NOTCH2NLR: variants seen among roughly 807,000 people sequenced by gnomAD.
NOTCH2NLR encodes the protein notch 2 N-terminal like R (pseudogene).
NOTCH2NLR carries 33 observed loss-of-function variants against 35.6 expected under a neutral mutation model. The ratio of observed to expected loss-of-function variants is 0.93; its 90% confidence interval spans 0.70 to 1.24. NOTCH2NLR has a LOEUF of 1.24. Among genes scored for constraint, NOTCH2NLR ranks in the 50% most tolerant of loss-of-function variants. The probability of loss-of-function intolerance (pLI) is 0.00; values close to 1 mark genes in which losing one functional copy is unlikely to be tolerated. For synonymous variants in NOTCH2NLR, 103 were observed against 141.0 expected (o/e 0.73, Z 1.91); for missense variants, 276 against 362.2 (o/e 0.76, Z 1.93).
intron 1 of NOTCH2NLR, among the ~76,000 whole-genome samples, chr1:120,752,552 ATATTTT>A (rs1386925490): frequency 4.5e-4 from 4 of 8,972 alleles, no homozygotes; most frequent in Non-Finnish European, 3.4e-4. Flanking sequence ...ATATATATAT[ATATTTT>A]TTTTTTTTTT....
At chr1:120,789,487 G>A (rs1195349839) in intron 3 of NOTCH2NLR, among the ~76,000 whole-genome samples, 1 of 114,196 alleles carries the variant, frequency 8.8e-6, no homozygotes, top group Non-Finnish European at 1.7e-5. Flanking sequence ...AGAAAATTAG[G>A]AAGAAGCAAA....
chr1:120,732,949 AT>A (rs1650880295), intron 1 of NOTCH2NLR, among the ~76,000 whole-genome samples: 1 of 86,898 alleles, frequency 1.2e-5, no homozygotes, highest in Non-Finnish European at 2.1e-5. Context: ...AGATTTTTTT[AT>A]TTTTGTAAAA....
Position 120,767,711 on chromosome 1 carries a change from T to C in NOTCH2NLR, c.155+4002T>C, listed in dbSNP as rs1268543357. Among the ~76,000 whole-genome samples the C allele has an allele frequency of 2.0e-3, 230 of 114,912 alleles. 39 individuals carry two copies. In the East Asian group the frequency reaches 0.03, roughly 15 times the overall value. The allele number at this position is 114,912 out of a possible 152,430, so 75.4% of individuals were successfully genotyped here. A position where few individuals can be genotyped will look rare whatever the true frequency, so the allele number is the denominator to read the frequency against. ...GGTGTAAATATGTAATTAAATTTGA[T>C]GTCATTAATCACTTTCAAGTTGTTG... is the stretch of plus-strand genomic sequence containing the variant. On this transcript the variant is annotated intron_variant, in intron 2 of 4. Transcript: ENST00000624419.
intron 2 of NOTCH2NLR, among the ~76,000 whole-genome samples, chr1:120,772,301 AG>A (rs1172181412): frequency 6.7e-5 from 1 of 14,972 alleles, no homozygotes; most frequent in Non-Finnish European, 1.7e-4. Flanking sequence ...TACAGTAGTT[AG>A]GAATGAAGTT....
chr1:120,735,252 A>G lies in NOTCH2NLR; in HGVS notation c.73+11002A>G, dbSNP rs1432778989. Among the ~76,000 whole-genome samples, 3 of 49,124 alleles carry G rather than the reference A, an allele frequency of 6.1e-5. 1 individual carries two copies. Among genetic ancestry groups the G allele is most frequent in the Non-Finnish European group, 1.0e-4 (3 of 28,742 alleles). The allele number at this position is 49,124 out of a possible 152,430, so 32.2% of individuals were successfully genotyped here. On this transcript the variant is annotated intron_variant, in intron 1 of 4. Transcript: ENST00000624419. Reference sequence around the variant, plus strand: ...CTAATTTTTTGTAGTTTTAGTAGAGACGGGGTTTCTCTATGTTGGGCAGGC... The same window carrying G: ...CTAATTTTTTGTAGTTTTAGTAGAGGCGGGGTTTCTCTATGTTGGGCAGGC...
chr1:120,794,123 CT>C (rs1651527990), downstream of NOTCH2NLR, among the ~76,000 whole-genome samples: 1 of 110,774 alleles, frequency 9.0e-6, no homozygotes, highest in South Asian at 2.6e-4. Flanking sequence ...TTTTGATGAG[CT>C]GATAGATGAT....
intron 2 of NOTCH2NLR, among the ~76,000 whole-genome samples, chr1:120,783,559 T>A (rs1159479669): frequency 1.5e-5 from 1 of 65,864 alleles, no homozygotes; most frequent in Non-Finnish European, 2.5e-5. Context: ...CTTTTACAAA[T>A]GTTTAGTTTC....
In NOTCH2NLR at chr1:120,770,469, G is replaced by A. The variant is rs1223370208; in HGVS notation, c.155+6760G>A. Reference sequence around the variant, plus strand: ...CAGGCGTGAGCCACCACACCCAGCCGAGGACATAGGTTTTTTTATGCCAGA... The same window carrying A: ...CAGGCGTGAGCCACCACACCCAGCCAAGGACATAGGTTTTTTTATGCCAGA... On this transcript the variant is annotated intron_variant, in intron 2 of 4. Coordinates refer to ENST00000624419, the Ensembl canonical transcript of NOTCH2NLR. Among the ~76,000 whole-genome samples, 154 of 113,582 alleles carry A rather than the reference G, an allele frequency of 1.4e-3. 41 individuals carry two copies. Among genetic ancestry groups the A allele is most frequent in the Non-Finnish European group, 2.1e-3 (128 of 60,164 alleles). 74.5% of individuals were successfully genotyped at this position (113,582 alleles called of 152,430 possible). A position where few individuals can be genotyped will look rare whatever the true frequency, so the allele number is the denominator to read the frequency against.
intron 1 of NOTCH2NLR, among the ~76,000 whole-genome samples, chr1:120,737,711 T>A (rs1268032030): frequency 8.0e-6 from 1 of 124,956 alleles, no homozygotes; most frequent in Non-Finnish European, 1.6e-5. Flanking sequence ...TTGAGACAAC[T>A]CGGCAGGTCT....
intron 1 of NOTCH2NLR, among the ~76,000 whole-genome samples, chr1:120,758,080 AG>A (rs2101395815): frequency 8.7e-6 from 1 of 115,040 alleles, no homozygotes; most frequent in East Asian, 2.1e-4. Context: ...GGCAGAAATC[AG>A]TGGAAGCACA....
intron 1 of NOTCH2NLR, among the ~76,000 whole-genome samples, chr1:120,760,257 G>A (rs1388133511): frequency 2.7e-5 from 2 of 73,062 alleles, no homozygotes; most frequent in African/African-American, 2.7e-4. Flanking sequence ...GAGCAATCTC[G>A]GCTCACTGCA....
At position 120,784,373 on chromosome 1, in the gene NOTCH2NLR, C is replaced by G. The variant is rs1216025072; in HGVS notation, c.156-601C>G. Among the ~76,000 whole-genome samples the G allele has an allele frequency of 4.3e-5, 5 of 116,422 alleles. 1 individual carries two copies. The East Asian group carries it at 1.1e-3, about 25-fold the overall frequency. The allele number at this position is 116,422 out of a possible 152,430, so 76.4% of individuals were successfully genotyped here. A position where few individuals can be genotyped will look rare whatever the true frequency, so the allele number is the denominator to read the frequency against. On this transcript the variant is annotated intron_variant, in intron 2 of 4. Transcript: ENST00000624419. ...CAGTGGCTTAAAGGCCCCAATTGAT[C>G]CACATCCCAGTTACAGCTCTCATCT...
At chr1:120,752,571 TTTTC>T (rs1571022069) in intron 1 of NOTCH2NLR, among the ~76,000 whole-genome samples, 20 of 36,350 alleles carry the variant, frequency 5.5e-4, no homozygotes, top group African/African-American at 3.2e-3. Context: ...TTTTTTTTTT[TTTTC>T]TTTTTTTTTT....
In NOTCH2NLR at chr1:120,783,633, G is replaced by A. The variant is rs1651390447; in HGVS notation, c.156-1341G>A. 1.9e-5 allele frequency among the ~76,000 whole-genome samples: 2 copies of A among 105,614 alleles called. 1 individual carries two copies. Among genetic ancestry groups the A allele is most frequent in the Non-Finnish European group, 3.5e-5 (2 of 57,142 alleles). 69.3% of individuals were successfully genotyped at this position (105,614 alleles called of 152,430 possible). On this transcript the variant is annotated intron_variant, in intron 2 of 4. Transcript: ENST00000624419. ...CTAGAAAACTGAACATATGGGACTG[G>A]AACAGTGTATTTTGGAGTCAGTTAC...
intron 1 of NOTCH2NLR, among the ~76,000 whole-genome samples, chr1:120,727,871 C>G (rs1650833017): frequency 1.7e-5 from 2 of 117,600 alleles, no homozygotes; most frequent in Non-Finnish European, 3.3e-5. Flanking sequence ...GTCAGCCTAC[C>G]ATATGTGTAG....
chr1:120,742,312 CGT>C (rs1209103933), intron 1 of NOTCH2NLR, among the ~76,000 whole-genome samples: 21 of 27,864 alleles, frequency 7.5e-4, no homozygotes, highest in Admixed American at 1.3e-3. Context: ...TGTGTGTGTG[CGT>C]GTGTGTGTGT....
In NOTCH2NLR at chr1:120,770,359, C is replaced by T. The variant is rs1409349906; in HGVS notation, c.155+6650C>T. 8.6e-4 allele frequency among the ~76,000 whole-genome samples: 95 copies of T among 109,962 alleles called. 26 individuals carry two copies. The highest frequency in any genetic ancestry group is 7.8e-3 in the Middle Eastern group (2 of 258). The allele number at this position is 109,962 out of a possible 152,430, so 72.1% of individuals were successfully genotyped here. A position where few individuals can be genotyped will look rare whatever the true frequency, so the allele number is the denominator to read the frequency against. On this transcript the variant is annotated intron_variant, in intron 2 of 4. Transcript: ENST00000624419. The stretch of plus-strand genomic sequence containing the variant: ...TAATTTTTTGTATTTTTAGTAGAGA[C>T]GGGGTTTCACTGTGTTAGCCAGGAT...
In NOTCH2NLR at chr1:120,742,306, T is replaced by C. The variant is rs1650947305; in HGVS notation, c.73+18056T>C. Among the ~76,000 whole-genome samples, 2 of 30,814 alleles carry C rather than the reference T, an allele frequency of 6.5e-5. 1 individual carries two copies. Among genetic ancestry groups the C allele is most frequent in the Non-Finnish European group, 1.0e-4 (2 of 19,750 alleles). 20.2% of individuals were successfully genotyped at this position (30,814 alleles called of 152,430 possible). ...AGTATCTCTGATTTAACTCTGTGTG[T>C]GTGTGCGTGTGTGTGTGTGTGTGTG... is the stretch of plus-strand genomic sequence containing the variant. On this transcript the variant is annotated intron_variant, in intron 1 of 4. Coordinates refer to ENST00000624419, the Ensembl canonical transcript of NOTCH2NLR.
intron 3 of NOTCH2NLR, among the ~76,000 whole-genome samples, chr1:120,791,334 A>T (rs1651491469): frequency 1.0e-5 from 1 of 96,902 alleles, no homozygotes; most frequent in Non-Finnish European, 1.9e-5. Context: ...GCTGCTATAA[A>T]GACACATGCA....
Sources: allele counts gnomAD v4.1 joint callset (sites outside exome capture counted in the v4.1 genomes callset), GRCh38; gene constraint gnomAD v4.1.1; transcripts MANE v1.5; gene names NCBI Gene and HGNC (gene_info 2026-07-23, HGNC 2026-07-21).